LYN: variants seen among roughly 807,000 people sequenced by gnomAD.
LYN encodes the protein tyrosine-protein kinase Lyn.
A neutral mutation model predicts 65.0 loss-of-function variants in LYN; 12 were observed. The observed-to-expected ratio is 0.18, with a 90% CI of 0.12 to 0.30. LYN has a LOEUF of 0.30. Ranked by LOEUF, LYN falls within the 10% of genes least tolerant of loss-of-function variation. LYN has a pLI of 1.00. For missense variants in LYN, 380 were observed against 623.2 expected (o/e 0.61, Z 4.16); for synonymous variants, 222 against 221.2 (o/e 1.00, Z -0.03).
intron 12 of LYN, among the ~76,000 whole-genome samples, chr8:56,003,482 T>C (rs1346180233): frequency 6.6e-6 from 1 of 152,062 alleles, no homozygotes. Flanking sequence ...CTGGACAACA[T>C]GGCCAAACCC....
intron 1 of LYN, among the ~76,000 whole-genome samples, chr8:55,891,054 T>G (rs1804947270): frequency 6.7e-6 from 1 of 150,358 alleles, no homozygotes; most frequent in South Asian, 2.2e-4. Context: ...ATTCAGCCTT[T>G]AAAAAAAGGA....
At position 56,011,884 on chromosome 8, in the gene LYN, A is replaced by G. The variant is rs1439082757; in HGVS notation, c.*1774A>G. ...CACCCCCCTGCTTGCATTTTATTTC[A>G]GAACCACAAGTATTACCCAATATGT... On this transcript the variant is annotated 3_prime_UTR_variant, in exon 13 of 13. Transcript: ENST00000519728. 5.4e-6 allele frequency: 1 copy of G among 186,168 alleles called. No homozygotes were observed. The highest frequency in any genetic ancestry group is 2.3e-5 in the African/African-American group (1 of 42,716). The allele number at this position is 186,168 out of a possible 1,614,324, so 11.5% of individuals were successfully genotyped here.
chr8:55,915,722 A>G (rs1053970181), intron 1 of LYN, among the ~76,000 whole-genome samples: 4 of 152,192 alleles, frequency 2.6e-5, no homozygotes, highest in African/African-American at 7.2e-5. Flanking sequence ...ATAATAAAAA[A>G]TTAAGAAAAA....
chr8:56,004,301 T>C (rs1445885015), intron 12 of LYN, among the ~76,000 whole-genome samples: 2 of 150,732 alleles, frequency 1.3e-5, no homozygotes, highest in East Asian at 3.9e-4. Flanking sequence ...TTCCTTTTTT[T>C]TTTTTTTTTT....
chr8:55,987,884 A>G (rs1439329090), intron 10 of LYN, among the ~76,000 whole-genome samples: 1 of 152,192 alleles, frequency 6.6e-6, no homozygotes, highest in East Asian at 1.9e-4. Context: ...AACCTACTTT[A>G]TGGGCTTATT....
In LYN at chr8:55,953,941, G is replaced by A; in HGVS notation, c.747G>A (p.Leu249=). The change falls in exon 8 of 13, where the codon TTG becomes TTA. Residue 249 remains leucine (L), a synonymous_variant. Coordinates refer to ENST00000519728, the MANE Select transcript of LYN (RefSeq NM_002350.4). ...AWEIPRESIK[L]VKRLGAGQFG... ...AGATCCCCCGGGAGTCCATCAAGTT[G>A]GTGAAAAGGCTTGGCGCTGGGCAGT... 1 of 1,614,162 alleles carries A rather than the reference G, an allele frequency of 6.2e-7. No homozygotes were observed. Among genetic ancestry groups the A allele is most frequent in the Non-Finnish European group, 8.5e-7 (1 of 1,180,022 alleles).
Position 55,947,680 on chromosome 8 carries a change from G to T in LYN, c.241G>T (p.Asp81Tyr). 2 of 1,613,994 alleles carry T rather than the reference G, an allele frequency of 1.2e-6. No homozygotes were observed. Among genetic ancestry groups the T allele is most frequent in the South Asian group, 2.2e-5 (2 of 91,058 alleles). The change falls in exon 4 of 13, where the codon GAC becomes TAC. Residue 81 changes from aspartate (D) to tyrosine (Y), a missense_variant. Physicochemically the swap from Asp to Tyr is radical, Grantham distance 160. Transcript: ENST00000519728. Reference protein sequence around the residue: ...LYPYDGIHPDDLSFKKGEKMK... With the variant: ...LYPYDGIHPDYLSFKKGEKMK... ...CCCCTATGATGGCATCCACCCGGAC[G>T]ACTTGTCTTTCAAGAAAGGAGAGAA...
chr8:56,001,244 GTGAATGAA>G (rs374876510), intron 12 of LYN, among the ~76,000 whole-genome samples: 17 of 152,056 alleles, frequency 1.1e-4, no homozygotes, highest in Admixed American at 1.1e-3. Context: ...GGATGGATGG[GTGAATGAA>G]TGAATGAATG....
intron 1 of LYN, among the ~76,000 whole-genome samples, chr8:55,893,050 TTTGGCAAATAA>T (rs1804999820): frequency 6.6e-6 from 1 of 151,920 alleles, no homozygotes; most frequent in South Asian, 2.1e-4. Flanking sequence ...AGCCATTTGG[TTTGGCAAATAA>T]ACAGATTTTC....
intron 1 of LYN, among the ~76,000 whole-genome samples, chr8:55,908,508 G>A (rs1446863499): frequency 6.6e-6 from 1 of 152,104 alleles, no homozygotes; most frequent in Non-Finnish European, 1.5e-5. Context: ...GCCTCCCAAA[G>A]TGTTGGGATT....
chr8:55,963,808 G>T (rs751766151), intron 8 of LYN, among the ~76,000 whole-genome samples: 19 of 152,240 alleles, frequency 1.2e-4, no homozygotes, highest in East Asian at 9.6e-4. Flanking sequence ...GTTCCTTGCA[G>T]TTATATGTAT....
chr8:56,007,067 GA>G (rs1156845908), intron 12 of LYN, among the ~76,000 whole-genome samples: 2 of 151,400 alleles, frequency 1.3e-5, no homozygotes, highest in East Asian at 1.9e-4. Context: ...CTGGAACCAG[GA>G]AAAAAAAATC....
At chr8:55,969,621 G>C in intron 9 of LYN, 96 bp from the exon 10 acceptor site, 1 of 918,842 alleles carries the variant, frequency 1.1e-6, no homozygotes, top group South Asian at 1.3e-5. Flanking sequence ...TCATTTTGTG[G>C]GGAGTTCCCC....
chr8:55,928,101 C>T (rs1219029407), intron 1 of LYN, among the ~76,000 whole-genome samples: 4 of 152,100 alleles, frequency 2.6e-5, no homozygotes, highest in Admixed American at 6.5e-5. Flanking sequence ...TAGATTTTTC[C>T]TGTTTAATAG....
At chr8:55,897,449 A>G (rs1369673201) in intron 1 of LYN, among the ~76,000 whole-genome samples, 1 of 152,184 alleles carries the variant, frequency 6.6e-6, no homozygotes, top group African/African-American at 2.4e-5. Flanking sequence ...AGGGGTTGAC[A>G]GCAGAAGATC....
intron 1 of LYN, among the ~76,000 whole-genome samples, chr8:55,883,465 G>A (rs1390221926): frequency 6.6e-6 from 1 of 152,112 alleles, no homozygotes; most frequent in Non-Finnish European, 1.5e-5. Flanking sequence ...TTGCTTGGGG[G>A]TGGGAAAGGG....
chr8:55,926,480 C>T (rs560686910), intron 1 of LYN, among the ~76,000 whole-genome samples: 15 of 152,058 alleles, frequency 9.9e-5, no homozygotes, highest in Non-Finnish European at 1.9e-4. Flanking sequence ...TGGCTATGGG[C>T]GTATTAGGAG....
At chr8:55,983,974 T>C (rs1808002145) in intron 10 of LYN, among the ~76,000 whole-genome samples, 3 of 152,166 alleles carry the variant, frequency 2.0e-5, no homozygotes, top group Non-Finnish European at 4.4e-5. Flanking sequence ...TCCAGGTTCT[T>C]GGGAAGAATC....
At chr8:55,962,610 G>A (rs754289412) in intron 8 of LYN, among the ~76,000 whole-genome samples, 2 of 152,104 alleles carry the variant, frequency 1.3e-5, no homozygotes. Context: ...CATGCTTTTG[G>A]GTGTGGCTAT....
Sources: gnomAD v4.1 joint callset for allele counts (sites outside exome capture counted in the v4.1 genomes callset) on GRCh38, gnomAD v4.1.1 for gene constraint, MANE v1.5 for transcripts, NCBI Gene and HGNC (gene_info 2026-07-23, HGNC 2026-07-21) for gene names.